The following BACH2 variants were observed in gnomAD, a reference collection of about 807,000 sequenced individuals.
BACH2 encodes BACH transcriptional regulator 2, also known as transcription regulator protein BACH2.
BACH2 carries 5 observed loss-of-function variants against 61.8 expected under a neutral mutation model. The observed-to-expected ratio is 0.08, with a 90% CI of 0.04 to 0.17. BACH2 has a LOEUF of 0.17. Ranked by LOEUF, BACH2 falls within the 10% of genes least tolerant of loss-of-function variation. The pLI, the probability that BACH2 is intolerant of heterozygous loss-of-function variation, is 1.00. For missense variants in BACH2, 824 were observed against 1,091.1 expected, an observed-to-expected ratio of 0.76 and a Z score of 3.45; for synonymous variants, 446 against 440.1, an observed-to-expected ratio of 1.01 and a Z score of -0.17.
rs1772403400 is a variant in BACH2 at position 90,296,608 on chromosome 6, T to G, written c.-574A>C. The G allele has an allele frequency of 6.6e-6, 1 of 151,534 alleles. No homozygotes were observed. The highest frequency in any genetic ancestry group is 1.9e-4 in the South Asian group (1 of 5,180). The allele number at this position is 151,534 out of a possible 1,614,324, so 9.4% of individuals were successfully genotyped here. A position where few individuals can be genotyped will look rare whatever the true frequency, so the allele number is the denominator to read the frequency against. ...CGAAAGCTCGCGGAGGGGACGCGCA[T>G]CACATGGCAGCTCGTTCCCAGCCCC... On this transcript the variant is annotated 5_prime_UTR_variant, in exon 1 of 9. It removes an upstream start codon present in the reference 5' UTR. Transcript: ENST00000257749.
chr6:90,295,461 C>T (rs1046706868), intron 1 of BACH2, among the ~76,000 whole-genome samples: 3 of 152,060 alleles, frequency 2.0e-5, no homozygotes, highest in Non-Finnish European at 4.4e-5. Flanking sequence ...TCTCTCCCCT[C>T]GTGGGCACCT....
rs544692299 is a variant in BACH2, at chr6:90,038,017, C to T, written c.-12-29161G>A. 2.0e-5 allele frequency among the ~76,000 whole-genome samples: 3 copies of T among 152,300 alleles called. No individual in the cohort carries two copies. The East Asian group carries it at 5.8e-4, about 29-fold the overall frequency. ...TCTTCCCTATAGGTTTCAGAGGGAG[C>T]ATGACCCTGCCAACATCCTGATTTT... On this transcript the variant is annotated intron_variant, in intron 5 of 8. Transcript: ENST00000257749.
intron 5 of BACH2, among the ~76,000 whole-genome samples, chr6:90,060,169 C>G (rs1780609347): frequency 6.6e-6 from 1 of 150,464 alleles, no homozygotes; most frequent in African/African-American, 2.4e-5. Flanking sequence ...ACAAAAAACA[C>G]AAAAGATAAA....
chr6:90,242,697 A>G (rs754517020), intron 3 of BACH2, among the ~76,000 whole-genome samples: 10 of 152,170 alleles, frequency 6.6e-5, no homozygotes, highest in Admixed American at 2.6e-4. Flanking sequence ...ATCATTTTCA[A>G]TATCTAAAAA....
At position 90,008,683 on chromosome 6, in the gene BACH2, C is replaced by T; in HGVS notation, c.162G>A (p.Val54=). 1 of 1,614,210 alleles carries T rather than the reference C, an allele frequency of 6.2e-7. No individual in the cohort carries two copies. Among genetic ancestry groups the T allele is most frequent in the Non-Finnish European group, 8.5e-7 (1 of 1,180,042 alleles). Residue 54 remains valine (V), a synonymous_variant, in exon 6 of 9, where the codon GTG becomes GTA. Coordinates refer to ENST00000257749, the MANE Select transcript of BACH2 (RefSeq NM_021813.4). This position sits in a 1 kb window ranked among gnomAD's most constrained non-coding sequence, Gnocchi z 4.1. ...AAAAATATTCACTGCATGCGGCCAG[C>T]ACAGCCCGGTGGGCCCGGAACTCCT... ...ERKEFRAHRA[V]LAACSEYFWQ... is the part of the protein sequence containing the mutation.
intron 6 of BACH2, among the ~76,000 whole-genome samples, chr6:89,982,424 G>A (rs1445139310): frequency 6.6e-6 from 1 of 152,082 alleles, no homozygotes; most frequent in Non-Finnish European, 1.5e-5. Flanking sequence ...TCATAACAAG[G>A]TACTAGAAAA....
In BACH2 at chr6:89,931,411, C is replaced by T. The variant is rs1772634787; in HGVS notation, c.*997G>A. The T allele has an allele frequency of 6.5e-6, 1 of 152,716 alleles. No homozygotes were observed. The highest frequency in any genetic ancestry group is 2.4e-5 in the African/African-American group (1 of 41,422). 9.5% of individuals were successfully genotyped at this position (152,716 alleles called of 1,614,324 possible). A position where few individuals can be genotyped will look rare whatever the true frequency, so the allele number is the denominator to read the frequency against. On this transcript the variant is annotated 3_prime_UTR_variant, in exon 9 of 9. Transcript: ENST00000257749. Reference sequence around the variant, plus strand: ...TTATTTGGCAAGATTGTTTTTCCTACATAATTATCACCTGAGTGCTTTTTA... The same window carrying T: ...TTATTTGGCAAGATTGTTTTTCCTATATAATTATCACCTGAGTGCTTTTTA...
chr6:90,160,384 G>A (rs1785150015), intron 4 of BACH2, among the ~76,000 whole-genome samples: 1 of 152,222 alleles, frequency 6.6e-6, no homozygotes, highest in Non-Finnish European at 1.5e-5. Context: ...ATCCTGTGAT[G>A]CAGCTAAAAT....
chr6:90,125,525 A>G (rs190376388), intron 4 of BACH2, among the ~76,000 whole-genome samples: 10 of 152,312 alleles, frequency 6.6e-5, no homozygotes, highest in Admixed American at 4.6e-4. Context: ...TCTGAAAAAG[A>G]CCAATCCTCT....
chr6:90,293,635 A>G (rs543131043), intron 1 of BACH2, among the ~76,000 whole-genome samples: 22 of 152,364 alleles, frequency 1.4e-4, no homozygotes, highest in Non-Finnish European at 3.1e-4. Context: ...TTTGATCACA[A>G]AATGAATTGC....
chr6:90,049,526 T>G (rs1052034290), intron 5 of BACH2, among the ~76,000 whole-genome samples: 5 of 152,206 alleles, frequency 3.3e-5, no homozygotes, highest in African/African-American at 1.2e-4. Context: ...TTTATTTTCA[T>G]GGTCATACTA....
chr6:90,224,597 A>C (rs1334373250), intron 3 of BACH2, among the ~76,000 whole-genome samples: 3 of 152,108 alleles, frequency 2.0e-5, no homozygotes, highest in African/African-American at 7.2e-5. Flanking sequence ...CTAATGTGTT[A>C]AAATTTGGTA....
At chr6:90,289,320 A>G (rs1035485129) in intron 1 of BACH2, among the ~76,000 whole-genome samples, 1 of 152,170 alleles carries the variant, frequency 6.6e-6, no homozygotes. Flanking sequence ...TAGCTGAGCG[A>G]CACCTATGCT....
intron 3 of BACH2, among the ~76,000 whole-genome samples, chr6:90,224,330 C>T (rs1005100758): frequency 6.6e-6 from 1 of 152,170 alleles, no homozygotes; most frequent in African/African-American, 2.4e-5. Flanking sequence ...TACAACTAGC[C>T]ATTAATCCAC....
intron 2 of BACH2, among the ~76,000 whole-genome samples, chr6:90,265,088 A>T (rs1261600034): frequency 6.6e-6 from 1 of 152,224 alleles, no homozygotes; most frequent in Non-Finnish European, 1.5e-5. Flanking sequence ...GGCATGCTCC[A>T]TTTCAGACAA....
Position 90,187,479 on chromosome 6 carries a change from G to A in BACH2, c.-162+19090C>T, listed in dbSNP as rs181086695. Among the ~76,000 whole-genome samples, 14 of 152,316 alleles carry A rather than the reference G, an allele frequency of 9.2e-5. No individual in the cohort carries two copies. The East Asian group carries it at 2.1e-3, about 23-fold the overall frequency. The stretch of plus-strand genomic sequence containing the variant: ...TCACCGTGCAGTCATGAAGCAGGGC[G>A]AGCCAGCTGAGGCTTTTGGTAGGGT... On this transcript the variant is annotated intron_variant, in intron 4 of 8. Transcript: ENST00000257749.
At chr6:90,027,352 C>T (rs1251205589) in intron 5 of BACH2, among the ~76,000 whole-genome samples, 1 of 152,176 alleles carries the variant, frequency 6.6e-6, no homozygotes, top group Admixed American at 6.5e-5. Flanking sequence ...GACACACATG[C>T]TACATGACAC....
At chr6:90,130,197 C>T (rs113196425) in intron 4 of BACH2, among the ~76,000 whole-genome samples, 3,331 of 152,112 alleles carry the variant, frequency 0.022, 40 homozygotes, top group Middle Eastern at 0.031. Flanking sequence ...TAGAGTACAC[C>T]GTTGACTGGT....
intron 6 of BACH2, among the ~76,000 whole-genome samples, chr6:89,981,944 G>C (rs1425519771): frequency 6.6e-6 from 1 of 152,056 alleles, no homozygotes; most frequent in Non-Finnish European, 1.5e-5. Flanking sequence ...GAAGTGATGG[G>C]TCTGTGAGAT....
Sources: allele counts gnomAD v4.1 joint callset (sites outside exome capture counted in the v4.1 genomes callset), GRCh38; gene constraint gnomAD v4.1.1; non-coding constraint Gnocchi (gnomAD v3.1); transcripts MANE v1.5; gene names NCBI Gene and HGNC (gene_info 2026-07-23, HGNC 2026-07-21).